MYRF: variants seen among roughly 807,000 people sequenced by gnomAD.
The protein encoded by MYRF is myelin gene regulatory factor.
A neutral mutation model predicts 126.3 loss-of-function variants in MYRF; 16 were observed. That is an observed-to-expected ratio of 0.13 (90% CI 0.09 to 0.19). The LOEUF (loss-of-function observed/expected upper bound fraction) is 0.19, where lower values mean the gene tolerates loss of function less well. MYRF is among the 10% of genes least tolerant of loss of function. MYRF has a pLI of 1.00. For synonymous variants in MYRF, 608 were observed against 635.3 expected, an observed-to-expected ratio of 0.96 and a Z score of 0.65; for missense variants, 1,104 against 1,547.0, an observed-to-expected ratio of 0.71 and a Z score of 4.80.
In MYRF at chr11:61,752,646, C is replaced by T; in HGVS notation, c.-99C>T. ...GGACCGGGCGGGACCGTAGCCGGAG[C>T]CCAGCCGGGACTGTCGCGCGGGCCG... On this transcript the variant is annotated 5_prime_UTR_variant, in exon 1 of 27. Transcript: ENST00000278836. 2.1e-6 allele frequency: 2 copies of T among 963,970 alleles called. No individual in the cohort carries two copies. Among genetic ancestry groups the T allele is most frequent in the Non-Finnish European group, 2.6e-6 (2 of 757,410 alleles). 59.7% of individuals were successfully genotyped at this position (963,970 alleles called of 1,614,324 possible). A position where few individuals can be genotyped will look rare whatever the true frequency, so the allele number is the denominator to read the frequency against.
rs773071897 is a variant in MYRF at position 61,783,563 on chromosome 11, A to C, written c.3082A>C (p.Ile1028Leu). The C allele has an allele frequency of 2.2e-5, 36 of 1,613,700 alleles. No individual in the cohort carries two copies. Among genetic ancestry groups the C allele is most frequent in the Middle Eastern group, 3.3e-4 (2 of 6,060 alleles). Residue 1028 changes from isoleucine to leucine, a missense_variant, in exon 23 of 27, where the codon ATC becomes CTC. By Grantham distance (5) the Ile-to-Leu change is conservative. This residue lies in a region of MYRF where 94 missense variants were observed against 164.6 expected (regional missense o/e 0.57). Coordinates refer to ENST00000278836, the MANE Select transcript of MYRF (RefSeq NM_001127392.3). This position sits in a 1 kb window ranked among gnomAD's most constrained non-coding sequence, Gnocchi z 4.6. ...CCAGGTGCTGGAGAATTCGATGTCC[A>C]TCACCTCCCAGTACTGTGCTCCAGG... ...SIQVLENSMS[I>L]TSQYCAPGDA...
At chr11:61,785,779 C>T (rs773626029) in intron 25 of MYRF, 21 bp from the exon 26 acceptor site, 2 of 1,608,972 alleles carry the variant, frequency 1.2e-6, no homozygotes, top group Non-Finnish European at 1.7e-6. Context: ...CTGTCCTGAC[C>T]CCTCTCTCCC....
chr11:61,784,067 C>A, intron 24 of MYRF, 142 bp downstream of exon 24: 1 of 1,117,054 alleles, frequency 9.0e-7, no homozygotes, highest in Non-Finnish European at 1.3e-6. Flanking sequence ...ACTTCATTGC[C>A]TACTTCGTGG....
intron 7 of MYRF, among the ~76,000 whole-genome samples, chr11:61,773,454 A>T (rs1356719035): frequency 6.6e-6 from 1 of 152,128 alleles, no homozygotes; most frequent in Admixed American, 6.5e-5. Flanking sequence ...GGGAGTGGGA[A>T]TGAGGGCATC....
Position 61,778,390 on chromosome 11 carries a change from T to C in MYRF, c.1914T>C (p.Ala638=). ...EATAPETGVI[A]QEVKEILPEA... ...GTCCCCTGCCCCCAGGTGTCATCGC[T>C]CAGGAGGTGAAGGAGATCTTGCCTG... The change falls in exon 14 of 27, where the codon GCT becomes GCC. Residue 638 remains alanine (A), a synonymous_variant. Coordinates refer to ENST00000278836, the MANE Select transcript of MYRF (RefSeq NM_001127392.3). The surrounding 1 kb of genome is among the most constrained non-coding windows in gnomAD (Gnocchi z 4.6). 1 of 1,613,328 alleles carries C rather than the reference T, an allele frequency of 6.2e-7. No individual in the cohort carries two copies. The highest frequency in any genetic ancestry group is 2.2e-5 in the East Asian group (1 of 44,866).
At chr11:61,774,653 C>T (rs976156923) in intron 8 of MYRF, among the ~76,000 whole-genome samples, 4 of 151,436 alleles carry the variant, frequency 2.6e-5, no homozygotes, top group Admixed American at 6.6e-5. Flanking sequence ...CTCAGCCTGC[C>T]TCCCCCTCGC....
At chr11:61,756,647 G>A (rs198462) in intron 1 of MYRF, among the ~76,000 whole-genome samples, 67,782 of 148,000 alleles carry the variant, frequency 0.46, 15,964 homozygotes, top group Middle Eastern at 0.51. Flanking sequence ...AGTGCTCTCC[G>A]GGTCAATGGT....
At chr11:61,775,888 G>A (rs2066367663) in intron 8 of MYRF, among the ~76,000 whole-genome samples, 168 bp from the exon 9 acceptor site, 1 of 151,956 alleles carries the variant, frequency 6.6e-6, no homozygotes, top group Non-Finnish European at 1.5e-5. Context: ...GTGGGGGGGT[G>A]TGACCATGCA....
At chr11:61,767,757 G>A (rs1214354794) in intron 3 of MYRF, among the ~76,000 whole-genome samples, 2 of 147,442 alleles carry the variant, frequency 1.4e-5, no homozygotes, top group South Asian at 2.2e-4. Context: ...CAGGGAGGTC[G>A]AGGCTACAGT....
chr11:61,780,124 G>C (rs773067840), intron 17 of MYRF, 98 bp from the exon 18 acceptor site: 1 of 1,445,094 alleles, frequency 6.9e-7, no homozygotes, highest in Non-Finnish European at 9.6e-7. Flanking sequence ...CATCACCTGG[G>C]AGCCCAGCCT....
intron 1 of MYRF, chr11:61,755,728 G>C (rs934178333): frequency 7.7e-6 from 5 of 648,484 alleles, no homozygotes; most frequent in African/African-American, 1.8e-5. Context: ...GAGTATGAAT[G>C]GCCGAGCCTG....
chr11:61,758,138 G>A lies in MYRF; in HGVS notation c.46+5348G>A, dbSNP rs532743269. 3.0e-4 allele frequency among the ~76,000 whole-genome samples: 46 copies of A among 152,204 alleles called. 1 individual carries two copies. The highest frequency in any genetic ancestry group is 1.0e-3 in the African/African-American group (43 of 41,534). On this transcript the variant is annotated intron_variant, in intron 1 of 26. Transcript: ENST00000278836. Reference sequence around the variant, plus strand: ...CTGGGTGGGGAGTACAGTTGGGTCCGGAGCCCCCTGCCGGCCTAGAGTATG... The same window carrying A: ...CTGGGTGGGGAGTACAGTTGGGTCCAGAGCCCCCTGCCGGCCTAGAGTATG...
At position 61,755,304 on chromosome 11, in the gene MYRF, G is replaced by A. The variant is rs1021267403; in HGVS notation, c.46+2514G>A. ...CTCAGGTGGGAGGCCGGGACAGAGC[G>A]GCCCCCTCGAGGCTGGTACAGCCGG... On this transcript the variant is annotated intron_variant, in intron 1 of 26. Transcript: ENST00000278836. The A allele has an allele frequency of 1.6e-5, 23 of 1,462,322 alleles. No individual in the cohort carries two copies. The African/African-American group carries it at 2.8e-4, about 18-fold the overall frequency. The allele number at this position is 1,462,322 out of a possible 1,614,324, so 90.6% of individuals were successfully genotyped here.
Position 61,771,677 on chromosome 11 carries a change from C to A in MYRF, c.918C>A (p.Gly306=). 2 of 1,613,886 alleles carry A rather than the reference C, an allele frequency of 1.2e-6. No homozygotes were observed. Among genetic ancestry groups the A allele is most frequent in the Non-Finnish European group, 1.7e-6 (2 of 1,180,002 alleles). Residue 306 remains glycine, a synonymous_variant, in exon 6 of 27, where the codon GGC becomes GGA. Transcript: ENST00000278836. ...PWPPQGPLSP[G]PGSLPLSIAR... The stretch of plus-strand genomic sequence containing the variant: ...CTCCCCAGGGTCCGCTCTCCCCGGG[C>A]CCTGGTTCCTTGCCTCTCAGCATTG...
At chr11:61,765,865 G>A (rs545688088) in intron 2 of MYRF, 93 bp from the exon 3 acceptor site, 113 of 1,458,116 alleles carry the variant, frequency 7.7e-5, no homozygotes, top group Non-Finnish European at 9.0e-5. Context: ...TGACTCCTCC[G>A]AAATCTCCAT....
intron 25 of MYRF, 190 bp downstream of exon 25, chr11:61,784,575 A>C (rs1591134948): frequency 1.7e-6 from 1 of 585,492 alleles, no homozygotes; most frequent in Non-Finnish European, 3.0e-6. Flanking sequence ...TGTTCATTGC[A>C]CTCTGCTGAG....
chr11:61,753,047 C>T (rs2065650217), intron 1 of MYRF, among the ~76,000 whole-genome samples: 1 of 152,092 alleles, frequency 6.6e-6, no homozygotes, highest in South Asian at 2.1e-4. Context: ...CTTCCAGGTC[C>T]GGACTCCTTT....
chr11:61,777,091 C>A lies in MYRF; in HGVS notation c.1591-173C>A, dbSNP rs1404598249. On this transcript the variant is annotated intron_variant, in intron 11 of 26. Transcript: ENST00000278836. The surrounding 1 kb of genome is among the most constrained non-coding windows in gnomAD (Gnocchi z 8.8). The stretch of plus-strand genomic sequence containing the variant: ...GACGAAGCCTGGTAGCTTCTGGGAT[C>A]CCACAAGTGACAAAAAGTTGTCACA... Among the ~76,000 whole-genome samples the A allele has an allele frequency of 6.6e-6, 1 of 152,220 alleles. No individual in the cohort carries two copies. Among genetic ancestry groups the A allele is most frequent in the East Asian group, 1.9e-4 (1 of 5,158 alleles).
Position 61,788,254 on chromosome 11 carries a change from G to C in MYRF, c.*2111G>C, listed in dbSNP as rs1181691323. ...GCTAATCTCCCCCTAGCTTCAAGCT[G>C]TACATAGGGCCTCCCAGTGCAAATC... On this transcript the variant is annotated 3_prime_UTR_variant, in exon 27 of 27. Transcript: ENST00000278836. 2 of 152,358 alleles carry C rather than the reference G, an allele frequency of 1.3e-5. No homozygotes were observed. The highest frequency in any genetic ancestry group is 2.9e-5 in the Non-Finnish European group (2 of 68,094). 9.4% of individuals were successfully genotyped at this position (152,358 alleles called of 1,614,324 possible). A position where few individuals can be genotyped will look rare whatever the true frequency, so the allele number is the denominator to read the frequency against.
Sources: gnomAD v4.1 joint callset for allele counts (sites outside exome capture counted in the v4.1 genomes callset) on GRCh38, gnomAD v4.1.1 for gene constraint, gnomAD v4.1.1 regional missense constraint, Gnocchi (gnomAD v3.1) non-coding constraint, MANE v1.5 for transcripts, NCBI Gene and HGNC (gene_info 2026-07-23, HGNC 2026-07-21) for gene names.